SESTD1: variants seen among roughly 807,000 people sequenced by gnomAD.
SESTD1 encodes the protein SEC14 and spectrin domain containing 1.
SESTD1 carries 43 observed loss-of-function variants against 101.7 expected under a neutral mutation model. The ratio of observed to expected loss-of-function variants is 0.42; its 90% CI spans 0.33 to 0.55. The LOEUF is 0.55. Ranked by LOEUF, SESTD1 falls within the 20% of genes least tolerant of loss-of-function variation. The pLI is 0.07. For synonymous variants in SESTD1, 283 were observed against 286.8 expected (o/e 0.99, Z 0.13); for missense variants, 647 against 815.1 (o/e 0.79, Z 2.51).
intron 1 of SESTD1, among the ~76,000 whole-genome samples, chr2:179,193,008 T>C (rs2046340079): frequency 6.6e-6 from 1 of 152,200 alleles, no homozygotes; most frequent in Non-Finnish European, 1.5e-5. Context: ...ATGAGTATAT[T>C]ACTTATTCAG....
rs1315198497 is a variant in SESTD1, at chr2:179,109,817, C to T, written c.*82G>A. 1.6e-5 allele frequency: 24 copies of T among 1,527,104 alleles called. No homozygotes were observed. The highest frequency in any genetic ancestry group is 2.8e-5 in the African/African-American group (2 of 72,358). 94.6% of individuals were successfully genotyped at this position (1,527,104 alleles called of 1,614,324 possible). ...GACTTATTTTGGCTGTGAAATGCAT[C>T]TTAAGGTGTGGTGGCTAATGCTGTA... On this transcript the variant is annotated 3_prime_UTR_variant, in exon 18 of 18. Transcript: ENST00000428443.
chr2:179,223,808 CA>C (rs2046846330), intron 1 of SESTD1, among the ~76,000 whole-genome samples: 3 of 152,090 alleles, frequency 2.0e-5, no homozygotes, highest in Non-Finnish European at 4.4e-5. Context: ...ATAGATTGTC[CA>C]AACTATCTAT....
At chr2:179,110,411 A>T (rs2044481898) in intron 17 of SESTD1, among the ~76,000 whole-genome samples, 1 of 152,214 alleles carries the variant, frequency 6.6e-6, no homozygotes, top group South Asian at 2.1e-4. Flanking sequence ...AGAGCTGGCA[A>T]GCAAAATAAA....
At position 179,146,547 on chromosome 2, in the gene SESTD1, G is replaced by T. The variant is rs560364050; in HGVS notation, c.582-90C>A. 8.3e-5 allele frequency: 86 copies of T among 1,038,788 alleles called. No individual in the cohort carries two copies. The East Asian group carries it at 1.8e-3, about 22-fold the overall frequency. 64.3% of individuals were successfully genotyped at this position (1,038,788 alleles called of 1,614,324 possible). A position where few individuals can be genotyped will look rare whatever the true frequency, so the allele number is the denominator to read the frequency against. On this transcript the variant is annotated intron_variant, in intron 7 of 17. Coordinates refer to ENST00000428443, the MANE Select transcript of SESTD1 (RefSeq NM_178123.5). ...CTTTACATATAAAAAAACAGAACAGGGGCACAAAAGTATGAAAATCTGAAG... is the reference window on the plus strand; with the variant it reads ...CTTTACATATAAAAAAACAGAACAGTGGCACAAAAGTATGAAAATCTGAAG...
At chr2:179,219,598 C>T (rs1397209828) in intron 1 of SESTD1, among the ~76,000 whole-genome samples, 1 of 152,208 alleles carries the variant, frequency 6.6e-6, no homozygotes, top group Non-Finnish European at 1.5e-5. Context: ...TTAACAAATA[C>T]AAGTACTCAG....
rs2044298847 is a variant in SESTD1 at position 179,102,750 on chromosome 2, G to C, written c.*7149C>G. 6.6e-6 allele frequency: 1 copy of C among 152,086 alleles called. No homozygotes were observed. The highest frequency in any genetic ancestry group is 2.1e-4 in the South Asian group (1 of 4,828). 9.4% of individuals were successfully genotyped at this position (152,086 alleles called of 1,614,324 possible). A position where few individuals can be genotyped will look rare whatever the true frequency, so the allele number is the denominator to read the frequency against. ...GGGAGAGGTAAAAGAGTGGATAAGA[G>C]AGTCATCAGAGTGTGAAAAAACTAC... On this transcript the variant is annotated 3_prime_UTR_variant, in exon 18 of 18. Coordinates refer to ENST00000428443, the MANE Select transcript of SESTD1 (RefSeq NM_178123.5).
chr2:179,124,205 T>TAA (rs572761321), intron 11 of SESTD1, among the ~76,000 whole-genome samples, 159 bp downstream of exon 11: 1 of 152,072 alleles, frequency 6.6e-6, no homozygotes, highest in African/African-American at 2.4e-5. Context: ...TACTTGTTTT[T>TAA]AAAAAAAATC....
At chr2:179,139,938 G>A (rs1358285837) in intron 9 of SESTD1, among the ~76,000 whole-genome samples, 2 of 152,190 alleles carry the variant, frequency 1.3e-5, no homozygotes, top group Admixed American at 6.5e-5. Context: ...CTGTGTAACT[G>A]GTCTGTTACT....
At chr2:179,242,380 C>T (rs754682589) in intron 1 of SESTD1, among the ~76,000 whole-genome samples, 4 of 152,248 alleles carry the variant, frequency 2.6e-5, no homozygotes, top group Admixed American at 1.3e-4. Flanking sequence ...ATTAAAATGG[C>T]CATACTGCCC....
At chr2:179,252,167 G>T (rs1247353013) in intron 1 of SESTD1, among the ~76,000 whole-genome samples, 1 of 152,196 alleles carries the variant, frequency 6.6e-6, no homozygotes, top group Non-Finnish European at 1.5e-5. Flanking sequence ...GTTATGTTCA[G>T]AACAGAATTA....
At chr2:179,145,871 A>G (rs915915849) in intron 8 of SESTD1, among the ~76,000 whole-genome samples, 2 of 152,254 alleles carry the variant, frequency 1.3e-5, no homozygotes, top group Non-Finnish European at 2.9e-5. Context: ...TCTGGCACAT[A>G]AGGAGTGTTC....
intron 5 of SESTD1, among the ~76,000 whole-genome samples, chr2:179,152,138 A>G (rs2045542648): frequency 6.6e-6 from 1 of 152,240 alleles, no homozygotes; most frequent in South Asian, 2.1e-4. Context: ...GGAAATGTGA[A>G]TTTATTAAAA....
chr2:179,126,056 AT>A (rs2044866490), intron 10 of SESTD1, among the ~76,000 whole-genome samples: 1 of 152,232 alleles, frequency 6.6e-6, no homozygotes, highest in African/African-American at 2.4e-5. Context: ...TTCCACCAGC[AT>A]ATAAATAAGC....
At chr2:179,195,181 T>C (rs1481791246) in intron 1 of SESTD1, among the ~76,000 whole-genome samples, 2 of 152,214 alleles carry the variant, frequency 1.3e-5, no homozygotes, top group Non-Finnish European at 2.9e-5. Flanking sequence ...CCAAATCTCA[T>C]CGTCAATCCC....
At chr2:179,170,324 T>C (rs571450596) in intron 5 of SESTD1, among the ~76,000 whole-genome samples, 1 of 152,226 alleles carries the variant, frequency 6.6e-6, no homozygotes, top group African/African-American at 2.4e-5. Context: ...TTGTAAATTA[T>C]GTGTCTCATA....
rs978541419 is a variant in SESTD1, at chr2:179,182,980, A to G, written c.164+100T>C. ...ATAATTATAATTTCACTGCGAATAA[A>G]AGCAGATAAGATAGCAAAGTATAAT... On this transcript the variant is annotated intron_variant, in intron 3 of 17. Transcript: ENST00000428443. 287 of 703,402 alleles carry G rather than the reference A, an allele frequency of 4.1e-4. 2 individuals carry two copies. Among genetic ancestry groups the G allele is most frequent in the Middle Eastern group, 2.6e-4 (1 of 3,806 alleles). 43.6% of individuals were successfully genotyped at this position (703,402 alleles called of 1,614,324 possible).
intron 1 of SESTD1, among the ~76,000 whole-genome samples, chr2:179,238,339 C>G (rs575316112): frequency 6.6e-6 from 1 of 152,058 alleles, no homozygotes. Context: ...ACTAGTAAGT[C>G]CACAGAAAAC....
chr2:179,123,663 A>C (rs931863358), intron 12 of SESTD1, 52 bp downstream of exon 12: 2 of 1,045,706 alleles, frequency 1.9e-6, no homozygotes, highest in African/African-American at 3.4e-5. Flanking sequence ...CATGGTAATG[A>C]TATTTAAAAA....
intron 1 of SESTD1, among the ~76,000 whole-genome samples, chr2:179,220,598 T>C (rs544825092): frequency 6.6e-6 from 1 of 152,256 alleles, no homozygotes; most frequent in African/African-American, 2.4e-5. Flanking sequence ...AACCATTTCC[T>C]TTTCCTTTTC....
Sources: allele counts gnomAD v4.1 joint callset (sites outside exome capture counted in the v4.1 genomes callset), GRCh38; gene constraint gnomAD v4.1.1; transcripts MANE v1.5; gene names NCBI Gene and HGNC (gene_info 2026-07-23, HGNC 2026-07-21).